Variants in HIVEP1 observed in about 807,000 individuals in gnomAD.
HIVEP1 encodes the protein HIVEP zinc finger 1.
Under a neutral mutation model 180.0 loss-of-function variants are expected in HIVEP1, and 36 were observed. The ratio of observed to expected loss-of-function variants is 0.20; its 90% CI spans 0.15 to 0.26. The LOEUF (loss-of-function observed/expected upper bound fraction) is 0.26, where lower values mean the gene tolerates loss of function less well. Among genes scored for constraint, HIVEP1 ranks in the 10% least tolerant of loss-of-function variants. The pLI is 1.00. For synonymous variants in HIVEP1, 1,239 were observed against 1,239.0 expected (o/e 1.00, Z 0.00); for missense variants, 3,143 against 3,268.7 (o/e 0.96, Z 0.94).
intron 3 of HIVEP1, among the ~76,000 whole-genome samples, chr6:12,109,104 C>T (rs370286553): frequency 1.3e-3 from 191 of 152,318 alleles, no homozygotes; most frequent in African/African-American, 4.5e-3. Flanking sequence ...CTCAGCCTCC[C>T]GAGTACCTGG....
chr6:12,125,285 G>T lies in HIVEP1; in HGVS notation c.5490G>T (p.Leu1830Phe). The T allele has an allele frequency of 6.2e-7, 1 of 1,613,854 alleles. No individual in the cohort carries two copies. Among genetic ancestry groups the T allele is most frequent in the South Asian group, 1.1e-5 (1 of 90,948 alleles). The change falls in exon 4 of 9, where the codon TTG becomes TTT. Residue 1830 changes from leucine (L) to phenylalanine (F), a missense_variant. Around this residue, in one of 12 missense-constraint regions of HIVEP1, gnomAD observed 1,357 missense variants for 1,260.5 expected, o/e 1.08. Transcript: ENST00000379388. The part of the protein sequence containing the change: ...QPEISNEAVN[L>F]TNVLPADNSS... ...AAATTAGTAATGAGGCTGTTAATTT[G>T]ACAAATGTTTTACCAGCTGATAATT...
At chr6:12,113,556 T>TG (rs1222090523) in intron 3 of HIVEP1, among the ~76,000 whole-genome samples, 2 of 152,146 alleles carry the variant, frequency 1.3e-5, no homozygotes, top group Non-Finnish European at 2.9e-5. Flanking sequence ...GCATGAGGAA[T>TG]GGGAAGAACT....
chr6:12,159,005 C>T (rs2113678042), intron 7 of HIVEP1, among the ~76,000 whole-genome samples: 1 of 151,392 alleles, frequency 6.6e-6, no homozygotes, highest in East Asian at 1.9e-4. Flanking sequence ...AGGTTTCACA[C>T]AATCTTGGCA....
intron 2 of HIVEP1, among the ~76,000 whole-genome samples, chr6:12,034,953 T>A (rs1471058420): frequency 6.6e-6 from 1 of 152,170 alleles, no homozygotes. Flanking sequence ...GCGGGTAAGC[T>A]TGGGGCTGGC....
At chr6:12,128,502 G>A (rs1175960809) in intron 4 of HIVEP1, among the ~76,000 whole-genome samples, 2 of 152,134 alleles carry the variant, frequency 1.3e-5, no homozygotes, top group Non-Finnish European at 2.9e-5. Context: ...AGAAGCCCTT[G>A]GTAGGAAAAG....
chr6:12,011,771 G>T (rs945358044), upstream of HIVEP1, among the ~76,000 whole-genome samples: 7 of 148,284 alleles, frequency 4.7e-5, no homozygotes, highest in African/African-American at 1.7e-4. Context: ...CCCTACACCC[G>T]GTCAGAGCTG....
chr6:12,046,845 C>CTGTGTGTGTGTGTGTGTGTGTGTGTGTG (rs372934680), intron 2 of HIVEP1, among the ~76,000 whole-genome samples: 41 of 141,104 alleles, frequency 2.9e-4, no homozygotes, highest in East Asian at 4.5e-4. Flanking sequence ...TGCCACTACA[C>CTGTGTGTGTGTGTGTGTGTGTGTGTGTG]TGTGTGTGTG....
upstream of HIVEP1, chr6:12,008,558 G>C (rs1767118864): frequency 6.6e-6 from 1 of 152,162 alleles, no homozygotes; most frequent in Non-Finnish European, 1.5e-5. Context: ...CGGGGCTAAG[G>C]AGTGTGGGTC....
chr6:12,153,867 G>T (rs981174888), intron 7 of HIVEP1, among the ~76,000 whole-genome samples: 1 of 152,184 alleles, frequency 6.6e-6, no homozygotes, highest in Non-Finnish European at 1.5e-5. Context: ...CCTAGAGCGG[G>T]CTGGGTGCAG....
chr6:12,053,852 G>A (rs1323117712), intron 2 of HIVEP1, among the ~76,000 whole-genome samples: 1 of 152,178 alleles, frequency 6.6e-6, no homozygotes, highest in Non-Finnish European at 1.5e-5. Flanking sequence ...AGAATAAATA[G>A]GATGAACATC....
chr6:12,168,209 T>TATAC (rs1235970287), downstream of HIVEP1, among the ~76,000 whole-genome samples: 5 of 100,930 alleles, frequency 5.0e-5, no homozygotes, highest in South Asian at 6.1e-4. Flanking sequence ...TATACATATA[T>TATAC]ACATATATAC....
intron 3 of HIVEP1, among the ~76,000 whole-genome samples, chr6:12,089,942 G>A (rs1773364721): frequency 6.6e-6 from 1 of 152,056 alleles, no homozygotes; most frequent in African/African-American, 2.4e-5. Flanking sequence ...TGTGTTAATA[G>A]TGGGAAGAGG....
At chr6:12,105,920 G>C (rs748538873) in intron 3 of HIVEP1, among the ~76,000 whole-genome samples, 1 of 151,882 alleles carries the variant, frequency 6.6e-6, no homozygotes, top group Non-Finnish European at 1.5e-5. Flanking sequence ...ATCATCCAGT[G>C]TATGAGACTT....
chr6:12,153,533 G>A (rs1278576031), intron 7 of HIVEP1, among the ~76,000 whole-genome samples: 2 of 131,098 alleles, frequency 1.5e-5, no homozygotes, highest in African/African-American at 2.9e-5. Flanking sequence ...CCGGAATAGA[G>A]CCATTTAGTC....
At chr6:12,201,257 G>A in the HIVEP1 span, among the ~76,000 whole-genome samples, 11 of 152,128 alleles carry the variant, frequency 7.2e-5, no homozygotes, top group Admixed American at 3.3e-4. Flanking sequence ...TGGGCGAATC[G>A]TTTGAGCCCA....
intron 2 of HIVEP1, among the ~76,000 whole-genome samples, chr6:12,035,375 T>C (rs922733535): frequency 1.3e-5 from 2 of 152,236 alleles, no homozygotes; most frequent in Non-Finnish European, 2.9e-5. Context: ...AGGAAAAAAC[T>C]GCAAGCATGC....
intron 3 of HIVEP1, among the ~76,000 whole-genome samples, chr6:12,099,151 A>G (rs1030414805): frequency 1.1e-4 from 17 of 150,524 alleles, no homozygotes; most frequent in African/African-American, 3.9e-4. Flanking sequence ...GCCCACTGTG[A>G]AGGAGCAGGA....
chr6:12,165,403 A>G (rs867058792), downstream of HIVEP1, among the ~76,000 whole-genome samples: 2 of 152,182 alleles, frequency 1.3e-5, no homozygotes, highest in East Asian at 1.9e-4. Context: ...CACCAGATCC[A>G]TTCGTGGGCT....
downstream of HIVEP1, among the ~76,000 whole-genome samples, chr6:12,166,654 G>T (rs1309320514): frequency 6.6e-6 from 1 of 152,084 alleles, no homozygotes. Context: ...CTATTTCTCC[G>T]AAGTCGTCTT....
Sources: allele counts gnomAD v4.1 joint callset (sites outside exome capture counted in the v4.1 genomes callset), GRCh38; gene constraint gnomAD v4.1.1; regional missense constraint gnomAD v4.1.1; transcripts MANE v1.5; gene names NCBI Gene and HGNC (gene_info 2026-07-23, HGNC 2026-07-21).